NCKAP5: variants seen among roughly 807,000 people sequenced by gnomAD.
The protein encoded by NCKAP5 is nck-associated protein 5.
NCKAP5 carries 92 observed loss-of-function variants against 167.0 expected under a neutral mutation model. That is an observed-to-expected ratio of 0.55 (90% confidence interval 0.47 to 0.66). The LOEUF is 0.66. Ranked by LOEUF, NCKAP5 falls within the 30% of genes least tolerant of loss-of-function variation. The probability of loss-of-function intolerance (pLI) is 0.00; values close to 1 mark genes in which losing one functional copy is unlikely to be tolerated. For synonymous variants in NCKAP5, 891 were observed against 877.4 expected (o/e 1.02, Z -0.27); for missense variants, 2,378 against 2,315.0 (o/e 1.03, Z -0.56).
At chr2:133,261,308 T>G (rs1422141475) in intron 4 of NCKAP5, among the ~76,000 whole-genome samples, 1 of 152,206 alleles carries the variant, frequency 6.6e-6, no homozygotes, top group Admixed American at 6.5e-5. Flanking sequence ...GGTAGGCTTA[T>G]CTCATAGGAT....
chr2:133,420,047 C>CT (rs541633111), intron 3 of NCKAP5, among the ~76,000 whole-genome samples: 120 of 152,324 alleles, frequency 7.9e-4, no homozygotes, highest in Non-Finnish European at 8.7e-4. Flanking sequence ...AAAAGGGGGC[C>CT]TCCCCTCATA....
chr2:132,955,124 A>C (rs541382394), intron 8 of NCKAP5, among the ~76,000 whole-genome samples: 10 of 152,386 alleles, frequency 6.6e-5, no homozygotes, highest in Admixed American at 5.2e-4. Context: ...AATTTCTTTT[A>C]CATTGTCTTA....
chr2:132,939,866 G>A (rs569958669), intron 8 of NCKAP5, among the ~76,000 whole-genome samples: 3 of 152,098 alleles, frequency 2.0e-5, no homozygotes, highest in South Asian at 4.2e-4. Context: ...TGGGTGTGGT[G>A]GTGGGTGCCT....
chr2:132,946,677 A>G (rs1359599608), intron 8 of NCKAP5, among the ~76,000 whole-genome samples: 5 of 152,158 alleles, frequency 3.3e-5, no homozygotes, highest in South Asian at 2.1e-4. Flanking sequence ...GGGGTGGATC[A>G]CTTGAGCTCA....
chr2:132,972,245 A>G (rs959360358), intron 7 of NCKAP5, among the ~76,000 whole-genome samples: 1 of 152,172 alleles, frequency 6.6e-6, no homozygotes, highest in Non-Finnish European at 1.5e-5. Context: ...CAAAATTTAT[A>G]TTTGAGTTCT....
chr2:133,334,269 T>C (rs1215551121), intron 3 of NCKAP5, among the ~76,000 whole-genome samples: 1 of 152,096 alleles, frequency 6.6e-6, no homozygotes, highest in Non-Finnish European at 1.5e-5. Context: ...TTTCAGAGGA[T>C]CACGTGAATG....
intron 3 of NCKAP5, among the ~76,000 whole-genome samples, chr2:133,405,925 A>G (rs920145230): frequency 1.3e-4 from 20 of 152,346 alleles, no homozygotes; most frequent in African/African-American, 4.6e-4. Context: ...TTAAGATGTC[A>G]TTTCTTGACA....
chr2:133,492,666 G>C (rs1199275228), intron 3 of NCKAP5, among the ~76,000 whole-genome samples: 1 of 152,192 alleles, frequency 6.6e-6, no homozygotes, highest in African/African-American at 2.4e-5. Flanking sequence ...ATCTCACAGG[G>C]ATGTTAGATA....
chr2:133,320,816 T>A (rs1021375953), intron 3 of NCKAP5, among the ~76,000 whole-genome samples: 1 of 152,176 alleles, frequency 6.6e-6, no homozygotes, highest in Non-Finnish European at 1.5e-5. Context: ...GAATGAGACA[T>A]GTTCCATAGC....
chr2:133,096,017 T>C (rs566585262), intron 6 of NCKAP5, among the ~76,000 whole-genome samples: 78 of 152,298 alleles, frequency 5.1e-4, no homozygotes, highest in African/African-American at 1.8e-3. Flanking sequence ...TTTTACCAGA[T>C]GCTACTAAAT....
intron 8 of NCKAP5, among the ~76,000 whole-genome samples, chr2:132,928,666 CTG>C (rs1314881835): frequency 6.6e-6 from 1 of 152,086 alleles, no homozygotes; most frequent in African/African-American, 2.4e-5. Flanking sequence ...TTTCTTTCCT[CTG>C]TAAGGCTTAT....
chr2:133,303,176 C>A, intron 3 of NCKAP5, 66 bp from the exon 4 acceptor site: 2 of 1,098,712 alleles, frequency 1.8e-6, no homozygotes, highest in East Asian at 2.6e-5. Flanking sequence ...AAGACCCTGA[C>A]CTTATCTCTA....
intron 4 of NCKAP5, among the ~76,000 whole-genome samples, chr2:133,269,343 A>G (rs1374876263): frequency 6.6e-6 from 1 of 152,212 alleles, no homozygotes; most frequent in Non-Finnish European, 1.5e-5. Flanking sequence ...TCAGTGCAAT[A>G]GAGAAAAATA....
chr2:133,225,294 C>T (rs914570831), intron 4 of NCKAP5, among the ~76,000 whole-genome samples: 2 of 152,120 alleles, frequency 1.3e-5, no homozygotes, highest in Non-Finnish European at 2.9e-5. Context: ...CATTACATAC[C>T]TGTGGGGAAA....
At chr2:133,591,836 A>T in the NCKAP5 span, among the ~76,000 whole-genome samples, 1 of 152,200 alleles carries the variant, frequency 6.6e-6, no homozygotes. Flanking sequence ...CCTAATTTTA[A>T]TCATAAAAGC....
chr2:133,086,443 G>A (rs1012906092), intron 6 of NCKAP5, among the ~76,000 whole-genome samples: 1 of 152,084 alleles, frequency 6.6e-6, no homozygotes, highest in African/African-American at 2.4e-5. Context: ...TTTGTCACCA[G>A]CCAGGGCAAA....
intron 11 of NCKAP5, among the ~76,000 whole-genome samples, chr2:132,817,987 G>T (rs564710590): frequency 8.3e-4 from 127 of 152,234 alleles, no homozygotes; most frequent in African/African-American, 2.9e-3. Flanking sequence ...TCACCCCATT[G>T]CCCAGGCTGC....
At chr2:132,826,935 G>A (rs977367152) in intron 11 of NCKAP5, among the ~76,000 whole-genome samples, 1 of 152,184 alleles carries the variant, frequency 6.6e-6, no homozygotes, top group African/African-American at 2.4e-5. Flanking sequence ...AAGACAAGGC[G>A]AGAGCAGAGG....
At chr2:133,197,969 C>A (rs1449826839) in intron 5 of NCKAP5, among the ~76,000 whole-genome samples, 1 of 151,848 alleles carries the variant, frequency 6.6e-6, no homozygotes, top group Non-Finnish European at 1.5e-5. Flanking sequence ...AGAGTAAACT[C>A]TTGAAAAAGC....
Sources: allele counts gnomAD v4.1 joint callset (sites outside exome capture counted in the v4.1 genomes callset), GRCh38; gene constraint gnomAD v4.1.1; transcripts MANE v1.5; gene names NCBI Gene and HGNC (gene_info 2026-07-23, HGNC 2026-07-21).